The following RUNX1T1 variants were observed in gnomAD, a reference collection of about 807,000 sequenced individuals.
RUNX1T1 encodes the protein protein CBFA2T1.
In RUNX1T1, 4 loss-of-function variants were observed where a neutral mutation model predicts 62.8. That is an observed-to-expected ratio of 0.06 (90% confidence interval 0.03 to 0.15). RUNX1T1 has a LOEUF of 0.15. Among genes scored for constraint, RUNX1T1 ranks in the 10% least tolerant of loss-of-function variants. The probability of loss-of-function intolerance (pLI) is 1.00; values close to 1 mark genes in which losing one functional copy is unlikely to be tolerated. For missense variants in RUNX1T1, 508 were observed against 754.3 expected (o/e 0.67, Z 3.82); for synonymous variants, 291 against 286.0 (o/e 1.02, Z -0.18).
chr8:92,036,847 C>G (rs1446914919), intron 1 of RUNX1T1, among the ~76,000 whole-genome samples: 3 of 152,136 alleles, frequency 2.0e-5, no homozygotes, highest in Non-Finnish European at 2.9e-5. Flanking sequence ...TGCTTAGCTT[C>G]CTTTCAGTAC....
chr8:92,024,272 G>A (rs985829870), intron 1 of RUNX1T1, among the ~76,000 whole-genome samples: 5 of 151,722 alleles, frequency 3.3e-5, no homozygotes, highest in Admixed American at 2.0e-4. Context: ...ATTTTGTGAG[G>A]TTGAGGTGGG....
Position 92,017,084 on chromosome 8 carries a change from T to G in RUNX1T1, c.145+142A>C, listed in dbSNP as rs563579245. The G allele has an allele frequency of 1.5e-3, 973 of 645,470 alleles. 3 individuals are homozygous for G. The highest frequency in any genetic ancestry group is 2.0e-3 in the Non-Finnish European group (738 of 368,912). The allele number at this position is 645,470 out of a possible 1,614,324, so 40.0% of individuals were successfully genotyped here. A position where few individuals can be genotyped will look rare whatever the true frequency, so the allele number is the denominator to read the frequency against. On this transcript the variant is annotated intron_variant, in intron 2 of 10. Coordinates refer to ENST00000396218, the Ensembl canonical transcript of RUNX1T1. ...ACTTCTGTGCTCAGTACCTACTTACTGGCAAACAAATGATTTTTTTTGGTT... is the reference window on the plus strand; with the variant it reads ...ACTTCTGTGCTCAGTACCTACTTACGGGCAAACAAATGATTTTTTTTGGTT...
At chr8:91,993,500 C>T (rs1056512294) in intron 5 of RUNX1T1, among the ~76,000 whole-genome samples, 10 of 152,008 alleles carry the variant, frequency 6.6e-5, no homozygotes, top group African/African-American at 2.4e-4. Context: ...AGGACTCAGC[C>T]GTGTGACCTC....
chr8:92,002,136 A>G (rs1819879218), intron 5 of RUNX1T1, among the ~76,000 whole-genome samples: 1 of 152,212 alleles, frequency 6.6e-6, no homozygotes, highest in Non-Finnish European at 1.5e-5. Context: ...CAAAGAATAG[A>G]AATCAGAATT....
exon 11 of RUNX1T1, chr8:91,959,440 G>GTATA (rs1157664737): frequency 5.8e-5 from 7 of 120,706 alleles, no homozygotes; most frequent in African/African-American, 1.7e-4. Flanking sequence ...GTGTGTGTGT[G>GTATA]TGTGTGTGTG....
At chr8:92,068,818 G>A (rs1833251339) in intron 2 of RUNX1T1, among the ~76,000 whole-genome samples, 2 of 152,040 alleles carry the variant, frequency 1.3e-5, no homozygotes, top group Admixed American at 1.3e-4. Flanking sequence ...TCTTACCACC[G>A]CTATGAACAA....
At chr8:92,074,175 TTC>T (rs1834083783) in intron 2 of RUNX1T1, among the ~76,000 whole-genome samples, 1 of 152,224 alleles carries the variant, frequency 6.6e-6, no homozygotes, top group African/African-American at 2.4e-5. Flanking sequence ...CACATTGTGT[TTC>T]TGATACATGA....
chr8:91,997,330 C>T (rs546187474), intron 5 of RUNX1T1, among the ~76,000 whole-genome samples: 3 of 151,522 alleles, frequency 2.0e-5, no homozygotes, highest in South Asian at 2.1e-4. Context: ...ATGGCAGAAG[C>T]GGGTGTAAGT....
At chr8:92,008,427 C>T (rs1821298213) in intron 4 of RUNX1T1, among the ~76,000 whole-genome samples, 1 of 148,862 alleles carries the variant, frequency 6.7e-6, no homozygotes, top group Admixed American at 6.7e-5. Flanking sequence ...CACACACACA[C>T]ACGAGACTAT....
rs576847765 is a variant in RUNX1T1, at chr8:92,041,054, C to T, written c.7+21492G>A. Reference sequence around the variant, plus strand: ...GCAGTTAATACTCACCGAGCATTTACCAAGTGCCAGTTATCTTGCTAAGTG... The same window carrying T: ...GCAGTTAATACTCACCGAGCATTTATCAAGTGCCAGTTATCTTGCTAAGTG... On this transcript the variant is annotated intron_variant, in intron 1 of 10. Coordinates refer to ENST00000396218, the Ensembl canonical transcript of RUNX1T1. 7.2e-5 allele frequency among the ~76,000 whole-genome samples: 11 copies of T among 152,218 alleles called. No individual in the cohort carries two copies. In the South Asian group the frequency reaches 2.1e-3, roughly 29 times the overall value.
At chr8:92,099,830 T>C (rs1837957400), upstream of RUNX1T1, 1 of 176,456 alleles carries the variant, frequency 5.7e-6, no homozygotes. Context: ...ATTTCTTTCT[T>C]GTGATCCTTT....
At chr8:92,095,536 A>C in intron 1 of RUNX1T1, 1 of 1,485,806 alleles carries the variant, frequency 6.7e-7, no homozygotes, top group Non-Finnish European at 8.9e-7. Flanking sequence ...GGTGATTACA[A>C]TATCAGCAGG....
intron 1 of RUNX1T1, among the ~76,000 whole-genome samples, chr8:92,042,586 G>A (rs533766135): frequency 6.6e-6 from 1 of 152,246 alleles, no homozygotes; most frequent in South Asian, 2.1e-4. Flanking sequence ...CCGAAGTGCT[G>A]GAATTACAGG....
intron 1 of RUNX1T1, among the ~76,000 whole-genome samples, chr8:92,089,925 TAAA>T (rs36052605): frequency 8.1e-4 from 65 of 80,154 alleles, no homozygotes; most frequent in Middle Eastern, 8.2e-3. Flanking sequence ...TCCCTGAATT[TAAA>T]AAAAAAAAAA....
chr8:92,014,933 T>C, intron 2 of RUNX1T1, 113 bp from the exon 4 acceptor site: 2 of 1,106,896 alleles, frequency 1.8e-6, no homozygotes, highest in Non-Finnish European at 2.5e-6. Flanking sequence ...AGTTTTTAAA[T>C]GTTGGGACTT....
At chr8:92,084,753 A>T (rs1835834595) in intron 1 of RUNX1T1, among the ~76,000 whole-genome samples, 1 of 152,182 alleles carries the variant, frequency 6.6e-6, no homozygotes, top group African/African-American at 2.4e-5. Context: ...GCTTCCCTGC[A>T]GAAAGAGCTT....
At chr8:92,046,410 A>C (rs36005889) in intron 1 of RUNX1T1, among the ~76,000 whole-genome samples, 33,854 of 152,086 alleles carry the variant, frequency 0.22, 3,910 homozygotes, top group African/African-American at 0.27. Flanking sequence ...CCCAGGCTAC[A>C]TAGAGCGCAG....
At chr8:92,022,705 A>C (rs577947615) in intron 1 of RUNX1T1, among the ~76,000 whole-genome samples, 1 of 152,264 alleles carries the variant, frequency 6.6e-6, no homozygotes, top group East Asian at 1.9e-4. Context: ...ATGAGAAATA[A>C]ATTTATCTTG....
upstream of RUNX1T1, among the ~76,000 whole-genome samples, chr8:92,100,324 A>G (rs955891789): frequency 6.6e-6 from 1 of 152,214 alleles, no homozygotes; most frequent in Non-Finnish European, 1.5e-5. Context: ...TTAGGTATAA[A>G]CTGGACACTG....
Sources: allele counts gnomAD v4.1 joint callset (sites outside exome capture counted in the v4.1 genomes callset), GRCh38; gene constraint gnomAD v4.1.1; transcripts MANE v1.5; gene names NCBI Gene and HGNC (gene_info 2026-07-23, HGNC 2026-07-21).